Variants in EPGN observed in about 807,000 individuals in gnomAD.
EPGN encodes the protein epithelial mitogen.
In EPGN, 21 loss-of-function variants were observed where a neutral mutation model predicts 20.7. That is an observed-to-expected ratio of 1.01 (90% CI 0.72 to 1.46). The LOEUF (loss-of-function observed/expected upper bound fraction) is 1.46. Ranked by LOEUF, EPGN falls within the 40% of genes most tolerant of loss-of-function variation. The pLI is 0.00. For synonymous variants in EPGN, 69 were observed against 63.8 expected, an observed-to-expected ratio of 1.08 and a Z score of -0.39; for missense variants, 199 against 180.7, an observed-to-expected ratio of 1.10 and a Z score of -0.58.
chr4:74,308,875 T>A (rs1394574293), intron 1 of EPGN, among the ~76,000 whole-genome samples: 1 of 152,230 alleles, frequency 6.6e-6, no homozygotes, highest in Non-Finnish European at 1.5e-5. Flanking sequence ...AATGTATCAA[T>A]GGTCTTAAAT....
At chr4:74,312,410 G>C (rs913810201) in intron 3 of EPGN, 105 bp downstream of exon 3, 15 of 1,331,484 alleles carry the variant, frequency 1.1e-5, no homozygotes, top group Non-Finnish European at 1.5e-5. Context: ...GTTTAAAAGG[G>C]TGCATAATCT....
At chr4:74,313,698 T>C in intron 4 of EPGN, 1 of 845,182 alleles carries the variant, frequency 1.2e-6, no homozygotes, top group South Asian at 5.4e-5. Flanking sequence ...TCACAAATAA[T>C]TGTAATTATT....
At position 74,316,403 on chromosome 4, in the gene EPGN, ATTC is replaced by A. The variant is rs1751275248; in HGVS notation, c.*1769_*1771del. Among the ~76,000 whole-genome samples, 1 of 152,226 alleles carries A rather than the reference ATTC, an allele frequency of 6.6e-6. No homozygotes were observed. Among genetic ancestry groups the A allele is most frequent in the Non-Finnish European group, 1.5e-5 (1 of 68,036 alleles). The stretch of plus-strand genomic sequence containing the variant: ...GGTGAAAAGAGGATCAAACTTGACT[ATTC>A]TTGCAATGGCAGTCCAGCAACAAGC... On this transcript the variant is annotated 3_prime_UTR_variant, in exon 5 of 5. Transcript: ENST00000413830.
intron 4 of EPGN, chr4:74,313,718 A>G: frequency 1.3e-6 from 1 of 769,274 alleles, no homozygotes; most frequent in African/African-American, 1.9e-5. Flanking sequence ...TTACATATTC[A>G]TTCTTATTTC....
At chr4:74,314,499 C>T (rs1751169230) in intron 4 of EPGN, 81 bp from the exon 5 acceptor site, 1 of 1,382,430 alleles carries the variant, frequency 7.2e-7, no homozygotes, top group Non-Finnish European at 9.9e-7. Context: ...AGAGCAACTG[C>T]TGCAGGGTGC....
chr4:74,313,107 G>C lies in EPGN; in HGVS notation c.344G>C (p.Gly115Ala). 1 of 1,612,720 alleles carries C rather than the reference G, an allele frequency of 6.2e-7. No individual in the cohort carries two copies. Among genetic ancestry groups the C allele is most frequent in the Non-Finnish European group, 8.5e-7 (1 of 1,179,422 alleles). The change falls in exon 4 of 5, where the codon GGG becomes GCG. Residue 115 changes from glycine to alanine, a missense_variant. Physicochemically the swap from Gly to Ala is moderately conservative, Grantham distance 60. Transcript: ENST00000413830. ...VDSYEKYIAI[G>A]IGVGLLLSGF... ...TCTTATGAAAAATACATTGCAATTGGGATTGGTGTTGGATTACTATTAAGT... is the reference window on the plus strand; with the variant it reads ...TCTTATGAAAAATACATTGCAATTGCGATTGGTGTTGGATTACTATTAAGT...
chr4:74,313,460 C>A, intron 4 of EPGN: 1 of 1,261,492 alleles, frequency 7.9e-7, no homozygotes, highest in Non-Finnish European at 9.9e-7. Flanking sequence ...CAGCAGGCCC[C>A]AAGAAAGTAG....
chr4:74,314,416 T>C (rs974121067), intron 4 of EPGN, 164 bp from the exon 5 acceptor site: 4 of 661,568 alleles, frequency 6.0e-6, no homozygotes, highest in Non-Finnish European at 1.0e-5. Flanking sequence ...ACTGCTGCCA[T>C]GAGCCTGTTA....
rs749344493 is a variant in EPGN, at chr4:74,308,501, G to A, written c.-33G>A. 1 of 1,596,388 alleles carries A rather than the reference G, an allele frequency of 6.3e-7. No individual in the cohort carries two copies. Among genetic ancestry groups the A allele is most frequent in the Middle Eastern group, 1.7e-4 (1 of 5,988 alleles). ...AACCTTCCACCCGTCAGTCTAGAAGGATAAGAGAAAGAAAGTTAAGCAACT... is the reference window on the plus strand; with the variant it reads ...AACCTTCCACCCGTCAGTCTAGAAGAATAAGAGAAAGAAAGTTAAGCAACT... On this transcript the variant is annotated 5_prime_UTR_variant, in exon 1 of 5. Coordinates refer to ENST00000413830, the MANE Select transcript of EPGN (RefSeq NM_001270989.2).
rs577359998 is a variant in EPGN at position 74,315,054 on chromosome 4, G to T, written c.*417G>T. Reference sequence around the variant, plus strand: ...ACTACCCAGCGTTTTTTACCACCTAGATGGGCCTCTCTAAGTCTATTTGCT... The same window carrying T: ...ACTACCCAGCGTTTTTTACCACCTATATGGGCCTCTCTAAGTCTATTTGCT... On this transcript the variant is annotated 3_prime_UTR_variant, in exon 5 of 5. Transcript: ENST00000413830. The T allele has an allele frequency of 1.7e-5, 3 of 177,990 alleles. No homozygotes were observed. The highest frequency in any genetic ancestry group is 2.6e-4 in the South Asian group (2 of 7,602). 11.0% of individuals were successfully genotyped at this position (177,990 alleles called of 1,614,324 possible).
Position 74,309,160 on chromosome 4 carries a change from C to A in EPGN, c.111C>A (p.Asn37Lys). ...VTPPITAQQG[N>K]WTVNKTEADN... ...CTCCAATCACAGCCCAGCAAGGTAA[C>A]TGGACAGTTAACAAAACAGAAGGTA... Residue 37 changes from asparagine (N) to lysine (K), a missense_variant, in exon 2 of 5, where the codon AAC (asparagine) becomes AAA (lysine). Transcript: ENST00000413830. 6.2e-7 allele frequency: 1 copy of A among 1,613,042 alleles called. No individual in the cohort carries two copies. The highest frequency in any genetic ancestry group is 1.7e-5 in the Admixed American group (1 of 59,978).
At chr4:74,309,024 A>G (rs760196455) in intron 1 of EPGN, 69 bp from the exon 2 acceptor site, 1 of 1,137,276 alleles carries the variant, frequency 8.8e-7, no homozygotes, top group Non-Finnish European at 1.3e-6. Context: ...GAATAAGAAT[A>G]CTTTCCATCT....
chr4:74,314,684 G>A lies in EPGN; in HGVS notation c.*47G>A. 7 of 1,501,204 alleles carry A rather than the reference G, an allele frequency of 4.7e-6. No individual in the cohort carries two copies. The highest frequency in any genetic ancestry group is 6.2e-6 in the Non-Finnish European group (7 of 1,122,346). The allele number at this position is 1,501,204 out of a possible 1,614,324, so 93.0% of individuals were successfully genotyped here. On this transcript the variant is annotated 3_prime_UTR_variant, in exon 5 of 5. Coordinates refer to ENST00000413830, the MANE Select transcript of EPGN (RefSeq NM_001270989.2). ...TCAAGGCATCTGTAGAGATCAGTGA[G>A]CCCAAAATTAAAGTTTTCAGATGAA... is the stretch of plus-strand genomic sequence containing the variant.
chr4:74,312,353 T>A, intron 3 of EPGN, 48 bp downstream of exon 3: 10 of 1,573,510 alleles, frequency 6.4e-6, no homozygotes, highest in South Asian at 1.2e-5. Context: ...GATGAGTTTA[T>A]GTCTCTGTTG....
chr4:74,311,216 C>T (rs534739875), intron 2 of EPGN, among the ~76,000 whole-genome samples: 5 of 151,976 alleles, frequency 3.3e-5, no homozygotes, highest in South Asian at 2.1e-4. Flanking sequence ...CTTAGTTAAT[C>T]GAACTTGTTT....
chr4:74,312,481 T>C (rs1751026654), intron 3 of EPGN, among the ~76,000 whole-genome samples, 176 bp downstream of exon 3: 1 of 152,180 alleles, frequency 6.6e-6, no homozygotes, highest in African/African-American at 2.4e-5. Context: ...GTCCAAACTA[T>C]TTAATTCTCA....
chr4:74,310,772 A>G (rs950909342), intron 2 of EPGN, among the ~76,000 whole-genome samples: 2 of 152,204 alleles, frequency 1.3e-5, no homozygotes, highest in African/African-American at 4.8e-5. Flanking sequence ...CATATAACCT[A>G]TAGACACACA....
chr4:74,312,354 G>C, intron 3 of EPGN, 49 bp downstream of exon 3: 1 of 1,573,898 alleles, frequency 6.4e-7, no homozygotes, highest in Middle Eastern at 1.7e-4. Flanking sequence ...ATGAGTTTAT[G>C]TCTCTGTTGT....
chr4:74,314,779 T>C lies in EPGN; in HGVS notation c.*142T>C, dbSNP rs866392417. On this transcript the variant is annotated 3_prime_UTR_variant, in exon 5 of 5. Coordinates refer to ENST00000413830, the MANE Select transcript of EPGN (RefSeq NM_001270989.2). ...TTGGGATCACAATGAAATGAGAAGA[T>C]AAAATTCAGCGTTGGCCTTTAGACT... 8 of 806,058 alleles carry C rather than the reference T, an allele frequency of 9.9e-6. No individual in the cohort carries two copies. In the South Asian group the frequency reaches 1.4e-4, roughly 14 times the overall value. The allele number at this position is 806,058 out of a possible 1,614,324, so 49.9% of individuals were successfully genotyped here. A position where few individuals can be genotyped will look rare whatever the true frequency, so the allele number is the denominator to read the frequency against.
Sources: gnomAD v4.1 joint callset for allele counts (sites outside exome capture counted in the v4.1 genomes callset) on GRCh38, gnomAD v4.1.1 for gene constraint, MANE v1.5 for transcripts, NCBI Gene and HGNC (gene_info 2026-07-23, HGNC 2026-07-21) for gene names.